Variants in PCCA observed in about 807,000 individuals in gnomAD.
The protein encoded by PCCA is propionyl-CoA carboxylase alpha chain, mitochondrial.
In PCCA, 74 loss-of-function variants were observed where a neutral mutation model predicts 101.3. The ratio of observed to expected loss-of-function variants is 0.73; its 90% CI spans 0.61 to 0.89. The LOEUF (loss-of-function observed/expected upper bound fraction) is 0.89. PCCA is among the 40% of genes least tolerant of loss of function. PCCA has a pLI of 0.00. For synonymous variants in PCCA, 294 were observed against 313.6 expected (o/e 0.94, Z 0.66); for missense variants, 891 against 907.0 (o/e 0.98, Z 0.23).
chr13:100,325,229 G>A (rs2068531686), intron 16 of PCCA, among the ~76,000 whole-genome samples: 1 of 152,088 alleles, frequency 6.6e-6, no homozygotes, highest in South Asian at 2.1e-4. Flanking sequence ...TGTGGGTACA[G>A]GATTACTATA....
At chr13:100,311,370 T>C (rs901888683) in intron 16 of PCCA, among the ~76,000 whole-genome samples, 28 of 152,196 alleles carry the variant, frequency 1.8e-4, no homozygotes, top group Non-Finnish European at 2.9e-5. Context: ...GAGGATTAAC[T>C]GAGGTTAAGT....
At chr13:100,218,345 T>G (rs1344572898) in intron 7 of PCCA, among the ~76,000 whole-genome samples, 1 of 62,578 alleles carries the variant, frequency 1.6e-5, no homozygotes, top group African/African-American at 6.7e-5. Context: ...CTATGGGTTG[T>G]TTTTTTTTTT....
chr13:100,297,880 A>G (rs1260150198), intron 12 of PCCA, among the ~76,000 whole-genome samples: 2 of 152,152 alleles, frequency 1.3e-5, no homozygotes, highest in Non-Finnish European at 2.9e-5. Flanking sequence ...AACAACTGTT[A>G]GACTCTGCAG....
intron 8 of PCCA, among the ~76,000 whole-genome samples, chr13:100,245,471 T>C (rs2061381363): frequency 6.6e-6 from 1 of 152,160 alleles, no homozygotes; most frequent in Non-Finnish European, 1.5e-5. Context: ...ACAGATTTAG[T>C]TTTTCTTCAT....
At chr13:100,508,246 G>C (rs1367293321) in intron 21 of PCCA, among the ~76,000 whole-genome samples, 2 of 152,062 alleles carry the variant, frequency 1.3e-5, no homozygotes, top group East Asian at 3.9e-4. Context: ...ATTTTTGCAG[G>C]ATGTTTGAAA....
chr13:100,386,195 A>G (rs1022062453), intron 19 of PCCA, among the ~76,000 whole-genome samples: 3 of 152,242 alleles, frequency 2.0e-5, no homozygotes, highest in Non-Finnish European at 4.4e-5. Context: ...GGACTATTTT[A>G]AAGAATACTA....
intron 18 of PCCA, among the ~76,000 whole-genome samples, chr13:100,364,575 T>A (rs2074979543): frequency 6.6e-6 from 1 of 152,254 alleles, no homozygotes; most frequent in South Asian, 2.1e-4. Flanking sequence ...CCATTTTATT[T>A]AAAAACCCAA....
intron 20 of PCCA, among the ~76,000 whole-genome samples, chr13:100,427,960 T>C (rs2079270232): frequency 6.6e-6 from 1 of 152,180 alleles, no homozygotes; most frequent in Non-Finnish European, 1.5e-5. Flanking sequence ...CACAATTGTA[T>C]GAAGTAGGTG....
chr13:100,268,615 A>G (rs1003167560), intron 10 of PCCA, 74 bp from the exon 11 acceptor site: 2 of 1,000,984 alleles, frequency 2.0e-6, no homozygotes, highest in Non-Finnish European at 1.6e-6. Context: ...GAGATGTTGC[A>G]TGCGGAAAAT....
chr13:100,229,256 G>A (rs141490563), intron 7 of PCCA, among the ~76,000 whole-genome samples: 246 of 152,308 alleles, frequency 1.6e-3, no homozygotes, highest in African/African-American at 5.7e-3. Flanking sequence ...AATGCCAACA[G>A]TATTTCACTG....
chr13:100,399,512 G>T (rs373518859), intron 19 of PCCA, among the ~76,000 whole-genome samples: 4 of 152,286 alleles, frequency 2.6e-5, no homozygotes, highest in East Asian at 1.9e-4. Context: ...ACAGAGTTGA[G>T]TATTGCTGGA....
At chr13:100,111,764 A>G in intron 2 of PCCA, 77 bp from the exon 3 acceptor site, 1 of 901,706 alleles carries the variant, frequency 1.1e-6, no homozygotes, top group East Asian at 2.5e-5. Flanking sequence ...GATGTTGGAA[A>G]AACTTGGTGT....
At chr13:100,471,857 C>A (rs2152956208) in intron 21 of PCCA, among the ~76,000 whole-genome samples, 1 of 152,268 alleles carries the variant, frequency 6.6e-6, no homozygotes, top group East Asian at 1.9e-4. Context: ...GAGAAGGGGA[C>A]ACTGGGGCCC....
At position 100,323,318 on chromosome 13, in the gene PCCA, TTTTTTTTTTTGTTGTTTTTTTGAGA is replaced by T. The variant is rs2068269434; in HGVS notation, c.1430-7242_1430-7218del. ...AACTCAGATTTCAGGAGCTCCATTC[TTTTTTTTTTTGTTGTTTTTTTGAGA>T]CAGAGTCTCACTCTGTCACCCAGGC... On this transcript the variant is annotated intron_variant, in intron 16 of 23. Coordinates refer to ENST00000376285, the MANE Select transcript of PCCA (RefSeq NM_000282.4). Among the ~76,000 whole-genome samples the T allele has an allele frequency of 3.4e-5, 5 of 146,162 alleles. No individual in the cohort carries two copies. In the South Asian group the frequency reaches 1.1e-3, roughly 32 times the overall value.
chr13:100,150,283 C>A (rs757436344), intron 4 of PCCA, among the ~76,000 whole-genome samples: 1 of 152,158 alleles, frequency 6.6e-6, no homozygotes, highest in Non-Finnish European at 1.5e-5. Flanking sequence ...CCACCCGCCT[C>A]GGCCTCCCAA....
At chr13:100,455,748 G>A (rs1566355757) in intron 21 of PCCA, among the ~76,000 whole-genome samples, 1 of 151,970 alleles carries the variant, frequency 6.6e-6, no homozygotes, top group African/African-American at 2.4e-5. Context: ...CACCCAGGCT[G>A]GTGTGCAGTA....
intron 19 of PCCA, among the ~76,000 whole-genome samples, chr13:100,393,363 T>C (rs910581120): frequency 3.9e-5 from 6 of 152,002 alleles, no homozygotes; most frequent in Non-Finnish European, 7.4e-5. Context: ...TCAAACCAAG[T>C]TTTTAAAGTT....
At chr13:100,200,418 A>G (rs535129114) in intron 6 of PCCA, among the ~76,000 whole-genome samples, 1 of 152,188 alleles carries the variant, frequency 6.6e-6, no homozygotes, top group Non-Finnish European at 1.5e-5. Flanking sequence ...GTTCAACTCT[A>G]ATCAGCCATC....
chr13:100,192,861 C>T (rs1034973379), intron 6 of PCCA, among the ~76,000 whole-genome samples: 29 of 152,096 alleles, frequency 1.9e-4, no homozygotes, highest in African/African-American at 6.3e-4. Flanking sequence ...CTCTGTTCAC[C>T]GTGTCTGATT....
Sources: gnomAD v4.1 joint callset for allele counts (sites outside exome capture counted in the v4.1 genomes callset) on GRCh38, gnomAD v4.1.1 for gene constraint, MANE v1.5 for transcripts, NCBI Gene and HGNC (gene_info 2026-07-23, HGNC 2026-07-21) for gene names.